RAB38: variants seen among roughly 807,000 people sequenced by gnomAD.
RAB38 encodes the protein RAB38, member RAS oncogene family, also known as ras-related protein Rab-38.
RAB38 carries 15 observed loss-of-function variants against 18.4 expected under a neutral mutation model. The ratio of observed to expected loss-of-function variants is 0.82; its 90% CI spans 0.55 to 1.26. The LOEUF (loss-of-function observed/expected upper bound fraction) is 1.26. Among genes scored for constraint, RAB38 ranks in the 50% most tolerant of loss-of-function variants. The pLI, the probability that RAB38 is intolerant of heterozygous loss-of-function variation, is 0.00. For missense variants in RAB38, 294 were observed against 267.4 expected (o/e 1.10, Z -0.69); for synonymous variants, 101 against 104.4 (o/e 0.97, Z 0.20).
chr11:88,078,624 C>T, the RAB38 span, among the ~76,000 whole-genome samples: 1 of 151,610 alleles, frequency 6.6e-6, no homozygotes, highest in South Asian at 2.1e-4. Context: ...AAGCCAAGTA[C>T]AGAAAGACAG....
At chr11:88,004,452 C>G in the RAB38 span, among the ~76,000 whole-genome samples, 2 of 150,994 alleles carry the variant, frequency 1.3e-5, no homozygotes, top group African/African-American at 4.8e-5. Flanking sequence ...TATCAGAAAA[C>G]CTGAAATATA....
chr11:88,038,900 A>C, the RAB38 span, among the ~76,000 whole-genome samples: 595 of 152,230 alleles, frequency 3.9e-3, 3 homozygotes, highest in African/African-American at 0.013. Flanking sequence ...TATCTATTCC[A>C]TTTATTTATT....
chr11:88,085,718 TGTTGATGTGTTGTCCATG>T, the RAB38 span, among the ~76,000 whole-genome samples: 4 of 152,102 alleles, frequency 2.6e-5, no homozygotes. Context: ...GACACACATT[TGTTGATGTGTTGTCCATG>T]GTTGCCTTTG....
chr11:87,933,533 T>C, the RAB38 span, among the ~76,000 whole-genome samples: 1 of 151,988 alleles, frequency 6.6e-6, no homozygotes, highest in African/African-American at 2.4e-5. Flanking sequence ...AAACAAACTC[T>C]CAACTGCTAG....
the RAB38 span, among the ~76,000 whole-genome samples, chr11:87,949,600 C>T: frequency 2.6e-5 from 4 of 152,130 alleles, no homozygotes; most frequent in Admixed American, 1.3e-4. Context: ...TCTTTGTTCT[C>T]ATTGGTTTCA....
At chr11:88,035,640 T>C in the RAB38 span, among the ~76,000 whole-genome samples, 1 of 152,220 alleles carries the variant, frequency 6.6e-6, no homozygotes, top group Non-Finnish European at 1.5e-5. Context: ...CCAGTCTAAG[T>C]GACATTAGAC....
At chr11:88,136,126 T>C (rs1942831414) in intron 2 of RAB38, among the ~76,000 whole-genome samples, 2 of 152,200 alleles carry the variant, frequency 1.3e-5, no homozygotes, top group South Asian at 2.1e-4. Context: ...CTTTAGGATA[T>C]CTCTGGACAC....
At chr11:87,813,499 TCACACACACACACACACA>T in the RAB38 span, among the ~76,000 whole-genome samples, 4 of 146,956 alleles carry the variant, frequency 2.7e-5, no homozygotes, top group East Asian at 4.1e-4. Context: ...ATCATACACA[TCACACACACACACACACA>T]CACACACACA....
At chr11:88,125,632 T>C (rs905834554) in intron 2 of RAB38, among the ~76,000 whole-genome samples, 1 of 152,214 alleles carries the variant, frequency 6.6e-6, no homozygotes, top group African/African-American at 2.4e-5. Context: ...GTCAGATAAG[T>C]AGATTGCAAA....
At chr11:87,869,499 C>T in the RAB38 span, among the ~76,000 whole-genome samples, 17 of 151,754 alleles carry the variant, frequency 1.1e-4, no homozygotes, top group Admixed American at 7.2e-4. Flanking sequence ...TCTGCATTAA[C>T]ACAAGTATCA....
At chr11:87,956,591 G>A in the RAB38 span, among the ~76,000 whole-genome samples, 1 of 151,968 alleles carries the variant, frequency 6.6e-6, no homozygotes, top group Admixed American at 6.6e-5. Flanking sequence ...TGTCCACTGG[G>A]GTCTGGGAAC....
chr11:88,118,652 C>G (rs950036680), intron 2 of RAB38, among the ~76,000 whole-genome samples: 2 of 152,168 alleles, frequency 1.3e-5, no homozygotes, highest in Non-Finnish European at 2.9e-5. Context: ...ACTTCCAGGA[C>G]AGGTAAAATT....
the RAB38 span, among the ~76,000 whole-genome samples, chr11:88,085,043 G>T: frequency 6.6e-6 from 1 of 151,852 alleles, no homozygotes; most frequent in African/African-American, 2.4e-5. Flanking sequence ...CTGCTTAAAA[G>T]GAATGGACAG....
chr11:88,129,032 A>C (rs1333426366), intron 2 of RAB38, among the ~76,000 whole-genome samples: 3 of 152,240 alleles, frequency 2.0e-5, no homozygotes, highest in Admixed American at 6.5e-5. Context: ...TTGTATATCT[A>C]TACCAATGTA....
chr11:88,082,875 G>A, the RAB38 span, among the ~76,000 whole-genome samples: 6,473 of 151,874 alleles, frequency 0.043, 214 homozygotes, highest in Middle Eastern at 0.12. Flanking sequence ...TAACTTTTCT[G>A]TGCAAAAGCC....
At chr11:87,952,088 A>G in the RAB38 span, among the ~76,000 whole-genome samples, 4 of 152,100 alleles carry the variant, frequency 2.6e-5, no homozygotes, top group African/African-American at 9.7e-5. Flanking sequence ...AGCAGTGGGT[A>G]AGGTCCTGGG....
the RAB38 span, among the ~76,000 whole-genome samples, chr11:88,065,470 A>C: frequency 6.6e-6 from 1 of 152,212 alleles, no homozygotes; most frequent in African/African-American, 2.4e-5. Context: ...TAATTCCAAA[A>C]TTAGTTGACC....
the RAB38 span, among the ~76,000 whole-genome samples, chr11:87,945,993 A>G: frequency 2.0e-5 from 3 of 152,178 alleles, no homozygotes; most frequent in Non-Finnish European, 4.4e-5. Context: ...CCCTTTTCAG[A>G]GATGCAGAAG....
At chr11:87,886,408 C>T in the RAB38 span, among the ~76,000 whole-genome samples, 1 of 151,902 alleles carries the variant, frequency 6.6e-6, no homozygotes, top group East Asian at 2.0e-4. Context: ...TGAGCCTGCA[C>T]GTTGTTAGAG....
Sources: allele counts gnomAD v4.1 joint callset (sites outside exome capture counted in the v4.1 genomes callset), GRCh38; gene constraint gnomAD v4.1.1; transcripts MANE v1.5; gene names NCBI Gene and HGNC (gene_info 2026-07-23, HGNC 2026-07-21).